Variants in FAM177B observed in about 807,000 individuals in gnomAD.
FAM177B encodes protein FAM177B.
A neutral mutation model predicts 16.1 loss-of-function variants in FAM177B; 16 were observed. The observed-to-expected ratio is 0.99, with a 90% CI of 0.67 to 1.51. FAM177B has a LOEUF of 1.51. FAM177B is among the 40% of genes most tolerant of loss of function. The pLI, the probability that FAM177B is intolerant of heterozygous loss-of-function variation, is 0.00. For synonymous variants in FAM177B, 56 were observed against 59.9 expected (o/e 0.93, Z 0.30); for missense variants, 178 against 183.7 (o/e 0.97, Z 0.18).
At chr1:222,749,679 A>G in intron 5 of FAM177B, 117 bp downstream of exon 5, 1 of 734,032 alleles carries the variant, frequency 1.4e-6, no homozygotes, top group South Asian at 1.8e-5. Context: ...TAATTTCACC[A>G]AGCTCCCATA....
rs1301325053 is a variant in FAM177B at position 222,750,989 on chromosome 1, T to A, written c.*931T>A. Among the ~76,000 whole-genome samples, 4 of 152,036 alleles carry A rather than the reference T, an allele frequency of 2.6e-5. No individual in the cohort carries two copies. The East Asian group carries it at 5.8e-4, about 22-fold the overall frequency. On this transcript the variant is annotated 3_prime_UTR_variant, in exon 6 of 6. Transcript: ENST00000445590. ...TATACAGAATTATGAGAAATAATAA[T>A]TTATTGTTGTTTTAAGCTTTGGAGT...
intron 2 of FAM177B, among the ~76,000 whole-genome samples, chr1:222,741,802 CTCTT>C (rs1309268143): frequency 9.3e-4 from 115 of 123,750 alleles, no homozygotes; most frequent in African/African-American, 3.4e-3. Context: ...CTTTCTTTCT[CTCTT>C]TCTTTCTTCT....
chr1:222,747,043 G>A lies in FAM177B; in HGVS notation c.203G>A (p.Arg68Gln), dbSNP rs779824054. The change falls in exon 4 of 6, where the codon CGA becomes CAA. Residue 68 changes from arginine to glutamine, a missense_variant. Arg to Gln is a conservative substitution (Grantham distance 43). Transcript: ENST00000445590. ...PSKLSWGPYLRFWAGRIASTS... is the reference protein window; with the variant it reads ...PSKLSWGPYLQFWAGRIASTS... The stretch of plus-strand genomic sequence containing the variant: ...AAACTTTCCTGGGGGCCCTACCTAC[G>A]ATTTTGGGCAGGACGAATAGCAAGC... 1.1e-5 allele frequency: 18 copies of A among 1,612,364 alleles called. No individual in the cohort carries two copies. The highest frequency in any genetic ancestry group is 3.3e-5 in the Admixed American group (2 of 60,002).
chr1:222,745,529 AT>A (rs1389661404), intron 2 of FAM177B, among the ~76,000 whole-genome samples: 1 of 152,158 alleles, frequency 6.6e-6, no homozygotes, highest in African/African-American at 2.4e-5. Context: ...AGGCGGGAAG[AT>A]TGCTTAAGCC....
intron 3 of FAM177B, 68 bp from the exon 4 acceptor site, chr1:222,746,947 C>T: frequency 9.1e-7 from 1 of 1,099,280 alleles, no homozygotes; most frequent in Non-Finnish European, 1.4e-6. Flanking sequence ...GAAATCTCTA[C>T]ATTAAAACAA....
intron 2 of FAM177B, chr1:222,739,932 C>T (rs1658446895): frequency 6.6e-6 from 1 of 152,254 alleles, no homozygotes; most frequent in South Asian, 2.1e-4. Context: ...TAGTATTATG[C>T]TTAACATATT....
At chr1:222,749,400 A>T (rs887698041) in intron 4 of FAM177B, 65 bp from the exon 5 acceptor site, 5 of 878,484 alleles carry the variant, frequency 5.7e-6, no homozygotes, top group Non-Finnish European at 9.4e-6. Context: ...AACTCTGGGC[A>T]TCTCAACTGA....
rs1445811354 is a variant in FAM177B at position 222,741,790 on chromosome 1, TTCTTTCTTTCTC to T, written c.-16+3781_-16+3792del. Among the ~76,000 whole-genome samples the T allele has an allele frequency of 4.1e-3, 596 of 147,022 alleles. 2 individuals are homozygous for T. The highest frequency in any genetic ancestry group is 0.014 in the African/African-American group (560 of 39,876). The stretch of plus-strand genomic sequence containing the variant: ...TCTTTCTTCCTTTCTTTCTTTTTCT[TTCTTTCTTTCTC>T]TCTTTCTTTCTTCTTTCTTTCTTTT... On this transcript the variant is annotated intron_variant, in intron 2 of 5. Transcript: ENST00000445590.
At chr1:222,738,435 TGAGCCGGGCGCA>T (rs1658381553) in intron 2 of FAM177B, among the ~76,000 whole-genome samples, 1 of 151,998 alleles carries the variant, frequency 6.6e-6, no homozygotes. Context: ...AGAATTAAAC[TGAGCCGGGCGCA>T]GTGGCTCATG....
At position 222,749,515 on chromosome 1, in the gene FAM177B, C is replaced by T. The variant is rs1463126059; in HGVS notation, c.292C>T (p.Pro98Ser). Reference protein sequence around the residue: ...RFAVFFGLTQPKYQYVLNEFY... With the variant: ...RFAVFFGLTQSKYQYVLNEFY... ...TGCTGTCTTCTTTGGTCTTACTCAA[C>T]CCAAATATCAGTATGTGTTAAACGA... Residue 98 changes from proline (P) to serine (S), a missense_variant, in exon 5 of 6, where the codon CCC (proline) becomes TCC (serine). Coordinates refer to ENST00000445590, the MANE Select transcript of FAM177B (RefSeq NM_001394345.1). 6.2e-7 allele frequency: 1 copy of T among 1,610,920 alleles called. No individual in the cohort carries two copies. Among genetic ancestry groups the T allele is most frequent in the East Asian group, 2.2e-5 (1 of 44,850 alleles).
chr1:222,750,402 A>T lies in FAM177B; in HGVS notation c.*344A>T, dbSNP rs567888762. On this transcript the variant is annotated 3_prime_UTR_variant, in exon 6 of 6. Coordinates refer to ENST00000445590, the MANE Select transcript of FAM177B (RefSeq NM_001394345.1). The stretch of plus-strand genomic sequence containing the variant: ...CTTTGGGACTGGGAGTTTTTGGCTG[A>T]AATCCTCTGTCATGGGACGAGGGTA... 1,287 of 1,042,902 alleles carry T rather than the reference A, an allele frequency of 1.2e-3. 2 individuals carry two copies. Among genetic ancestry groups the T allele is most frequent in the Non-Finnish European group, 1.4e-3 (1,194 of 868,226 alleles). The allele number at this position is 1,042,902 out of a possible 1,614,324, so 64.6% of individuals were successfully genotyped here. A position where few individuals can be genotyped will look rare whatever the true frequency, so the allele number is the denominator to read the frequency against.
At chr1:222,741,657 C>T (rs865896799) in intron 2 of FAM177B, among the ~76,000 whole-genome samples, 7 of 152,030 alleles carry the variant, frequency 4.6e-5, no homozygotes, top group Non-Finnish European at 8.8e-5. Context: ...CTCAGTCTCC[C>T]AAGTAGCTGG....
At chr1:222,746,899 G>A in intron 3 of FAM177B, 116 bp from the exon 4 acceptor site, 1 of 936,912 alleles carries the variant, frequency 1.1e-6, no homozygotes, top group Non-Finnish European at 1.7e-6. Context: ...CTCTTCATCT[G>A]TGAGAGAGAA....
chr1:222,745,122 G>T (rs1414649125), intron 2 of FAM177B, among the ~76,000 whole-genome samples: 1 of 152,126 alleles, frequency 6.6e-6, no homozygotes, highest in Non-Finnish European at 1.5e-5. Context: ...ACTTTTAATT[G>T]CTGAGGAGTA....
At position 222,750,409 on chromosome 1, in the gene FAM177B, C is replaced by T. The variant is rs959251089; in HGVS notation, c.*351C>T. ...ACTGGGAGTTTTTGGCTGAAATCCT[C>T]TGTCATGGGACGAGGGTACAGTAAA... On this transcript the variant is annotated 3_prime_UTR_variant, in exon 6 of 6. Coordinates refer to ENST00000445590, the MANE Select transcript of FAM177B (RefSeq NM_001394345.1). The T allele has an allele frequency of 4.8e-6, 5 of 1,041,046 alleles. No homozygotes were observed. Among genetic ancestry groups the T allele is most frequent in the Middle Eastern group, 4.5e-4 (1 of 2,222 alleles). 64.5% of individuals were successfully genotyped at this position (1,041,046 alleles called of 1,614,324 possible). A position where few individuals can be genotyped will look rare whatever the true frequency, so the allele number is the denominator to read the frequency against.
chr1:222,741,998 G>T (rs984894453), intron 2 of FAM177B, among the ~76,000 whole-genome samples: 4 of 139,702 alleles, frequency 2.9e-5, no homozygotes, highest in Admixed American at 1.5e-4. Context: ...TAGAGACAAG[G>T]TCTCACAGTG....
rs371452590 is a variant in FAM177B at position 222,750,039 on chromosome 1, C to T, written c.458C>T (p.Thr153Ile). Residue 153 changes from threonine to isoleucine, a missense_variant, in exon 6 of 6, where the codon ACA (threonine) becomes ATA (isoleucine). Transcript: ENST00000445590. ...TATGGAACCATACAACAGGATGTGA[C>T]AGAGGCCATTCCTCAGTGAAGCACC... ...QEYGTIQQDV[T>I]EAIPQ The T allele has an allele frequency of 5.0e-6, 8 of 1,613,576 alleles. No homozygotes were observed. Among genetic ancestry groups the T allele is most frequent in the South Asian group, 1.1e-5 (1 of 91,020 alleles).
intron 5 of FAM177B, 134 bp downstream of exon 5, chr1:222,749,696 C>A (rs1296850663): frequency 1.2e-5 from 9 of 737,686 alleles, no homozygotes; most frequent in South Asian, 1.1e-4. Context: ...CATAGTCAGA[C>A]TGACTTATTT....
In FAM177B at chr1:222,747,029, G is replaced by A. The variant is rs767790995; in HGVS notation, c.189G>A (p.Trp63Ter). ...NSTLDPSKLS[W>*]GPYLRFWAGR... ...CCTTTTTTCAGTCTAAACTTTCCTGGGGGCCCTACCTACGATTTTGGGCAG... is the reference window on the plus strand; with the variant it reads ...CCTTTTTTCAGTCTAAACTTTCCTGAGGGCCCTACCTACGATTTTGGGCAG... The change falls in exon 4 of 6, where the codon TGG becomes TGA. Residue 63 changes from tryptophan (W) to a stop codon, truncating the protein, a stop_gained. Transcript: ENST00000445590. LOFTEE classifies it high-confidence loss of function. 3 of 1,610,184 alleles carry A rather than the reference G, an allele frequency of 1.9e-6. No individual in the cohort carries two copies. In the South Asian group the frequency reaches 3.3e-5, roughly 18 times the overall value.
Sources: allele counts gnomAD v4.1 joint callset (sites outside exome capture counted in the v4.1 genomes callset), GRCh38; gene constraint gnomAD v4.1.1; transcripts MANE v1.5; gene names NCBI Gene and HGNC (gene_info 2026-07-23, HGNC 2026-07-21).